The following SYN3 variants were observed in gnomAD, a reference collection of about 807,000 sequenced individuals.
SYN3 encodes synapsin-3.
A neutral mutation model predicts 65.8 loss-of-function variants in SYN3; 35 were observed. That is an observed-to-expected ratio of 0.53 (90% confidence interval 0.41 to 0.70). SYN3 has a LOEUF of 0.70. Ranked by LOEUF, SYN3 falls within the 30% of genes least tolerant of loss-of-function variation. The probability of loss-of-function intolerance (pLI) is 0.00; values close to 1 mark genes in which losing one functional copy is unlikely to be tolerated. For missense variants in SYN3, 680 were observed against 749.0 expected, an observed-to-expected ratio of 0.91 and a Z score of 1.08; for synonymous variants, 270 against 292.9, an observed-to-expected ratio of 0.92 and a Z score of 0.80.
chr22:33,036,932 C>T (rs1274335315), intron 1 of SYN3, among the ~76,000 whole-genome samples: 4 of 152,040 alleles, frequency 2.6e-5, no homozygotes, highest in Admixed American at 6.6e-5. Flanking sequence ...CTCAGGTGAT[C>T]CGCCCACCTC....
In SYN3 at chr22:32,872,898, A is replaced by G. The variant is rs530505848; in HGVS notation, c.462-3773T>C. Among the ~76,000 whole-genome samples, 14 of 151,250 alleles carry G rather than the reference A, an allele frequency of 9.3e-5. No homozygotes were observed. The South Asian group carries it at 2.9e-3, about 32-fold the overall frequency. ...GATGATTCCTGCTTTTAAGAAACTC[A>G]CAACCCAAGAGGAGTTGGGTGCAAC... is the stretch of plus-strand genomic sequence containing the variant. On this transcript the variant is annotated intron_variant, in intron 4 of 13. Transcript: ENST00000358763.
At chr22:32,803,244 G>A (rs530784701) in intron 6 of SYN3, among the ~76,000 whole-genome samples, 77 of 152,170 alleles carry the variant, frequency 5.1e-4, no homozygotes, top group African/African-American at 1.8e-3. Context: ...AGAATGGAGC[G>A]TGTGTGTTTT....
chr22:32,788,935 C>A (rs1301953588), intron 6 of SYN3, among the ~76,000 whole-genome samples: 1 of 152,136 alleles, frequency 6.6e-6, no homozygotes, highest in Non-Finnish European at 1.5e-5. Flanking sequence ...CTCGGGACAC[C>A]TCTGACTTCC....
At chr22:32,660,532 T>A (rs2060202917) in intron 6 of SYN3, among the ~76,000 whole-genome samples, 1 of 152,188 alleles carries the variant, frequency 6.6e-6, no homozygotes, top group Non-Finnish European at 1.5e-5. Context: ...CCATTCATAC[T>A]GATCTTCTGG....
intron 6 of SYN3, among the ~76,000 whole-genome samples, chr22:32,788,564 G>A (rs748691375): frequency 2.3e-4 from 35 of 151,848 alleles, no homozygotes; most frequent in Non-Finnish European, 4.4e-4. Flanking sequence ...ATAATAATAT[G>A]GATTTAAAAA....
chr22:32,754,053 G>A (rs1186727551), intron 6 of SYN3, among the ~76,000 whole-genome samples: 1 of 152,216 alleles, frequency 6.6e-6, no homozygotes, highest in Non-Finnish European at 1.5e-5. Flanking sequence ...CCGGACCATG[G>A]TGGTGGTCCA....
intron 7 of SYN3, among the ~76,000 whole-genome samples, chr22:32,558,229 C>T (rs1219331778): frequency 6.6e-6 from 1 of 152,210 alleles, no homozygotes; most frequent in Non-Finnish European, 1.5e-5. Context: ...AGGAGAAAGG[C>T]AATTCCTCCT....
intron 6 of SYN3, among the ~76,000 whole-genome samples, chr22:32,734,264 T>C (rs781168996): frequency 6.6e-6 from 1 of 152,168 alleles, no homozygotes; most frequent in Non-Finnish European, 1.5e-5. Flanking sequence ...GCAGGATATA[T>C]CTTACAGGGT....
chr22:32,804,700 G>A (rs1338830879), intron 6 of SYN3, among the ~76,000 whole-genome samples: 1 of 152,178 alleles, frequency 6.6e-6, no homozygotes, highest in Non-Finnish European at 1.5e-5. Flanking sequence ...TTCTGGGGGA[G>A]GAGGAGTTAA....
intron 7 of SYN3, among the ~76,000 whole-genome samples, chr22:32,581,375 C>T (rs1847172829): frequency 6.6e-6 from 1 of 152,210 alleles, no homozygotes; most frequent in Non-Finnish European, 1.5e-5. Flanking sequence ...TCCCAAAGTG[C>T]TGGGATTATA....
At chr22:32,927,104 A>T (rs2050494803) in intron 4 of SYN3, among the ~76,000 whole-genome samples, 1 of 152,110 alleles carries the variant, frequency 6.6e-6, no homozygotes, top group Admixed American at 6.6e-5. Flanking sequence ...CGGTATAGAA[A>T]AGTTTCAATA....
At chr22:32,782,172 G>A (rs2046083249) in intron 6 of SYN3, among the ~76,000 whole-genome samples, 1 of 151,878 alleles carries the variant, frequency 6.6e-6, no homozygotes. Flanking sequence ...GGTTTCAAGC[G>A]ATTCTCTTGC....
chr22:32,789,707 A>G (rs1057411288), intron 6 of SYN3, among the ~76,000 whole-genome samples: 4 of 152,238 alleles, frequency 2.6e-5, no homozygotes, highest in Non-Finnish European at 2.9e-5. Context: ...AAATTTGTTG[A>G]GGACCTACTG....
chr22:32,994,260 A>T (rs1053537985), intron 2 of SYN3, among the ~76,000 whole-genome samples: 8 of 152,078 alleles, frequency 5.3e-5, no homozygotes, highest in African/African-American at 1.9e-4. Flanking sequence ...CTGCTGAGGA[A>T]TGCCCAGGAC....
intron 6 of SYN3, among the ~76,000 whole-genome samples, chr22:32,722,560 C>A (rs1367949825): frequency 6.6e-6 from 1 of 152,200 alleles, no homozygotes; most frequent in Non-Finnish European, 1.5e-5. Flanking sequence ...GGAGATGTCT[C>A]TTACTCGGAC....
intron 6 of SYN3, among the ~76,000 whole-genome samples, chr22:32,666,928 T>C (rs2060297209): frequency 6.6e-6 from 1 of 152,192 alleles, no homozygotes; most frequent in African/African-American, 2.4e-5. Context: ...TTTGACTCCA[T>C]ATTCCAGCCT....
chr22:32,774,118 A>G (rs2045846469), intron 6 of SYN3, among the ~76,000 whole-genome samples: 1 of 152,126 alleles, frequency 6.6e-6, no homozygotes, highest in Admixed American at 6.5e-5. Context: ...CCATGAACGG[A>G]TCTTGGATTG....
At chr22:32,667,949 G>A (rs2060312809) in intron 6 of SYN3, among the ~76,000 whole-genome samples, 2 of 151,774 alleles carry the variant, frequency 1.3e-5, no homozygotes, top group African/African-American at 2.4e-5. Context: ...GCCTACCACC[G>A]TGCCCAGCTA....
intron 3 of SYN3, among the ~76,000 whole-genome samples, chr22:32,947,221 G>T (rs2051140709): frequency 6.6e-6 from 1 of 151,922 alleles, no homozygotes; most frequent in South Asian, 2.1e-4. Flanking sequence ...TATGTCCATG[G>T]TCTATTTAAC....
Sources: allele counts gnomAD v4.1 joint callset (sites outside exome capture counted in the v4.1 genomes callset), GRCh38; gene constraint gnomAD v4.1.1; transcripts MANE v1.5; gene names NCBI Gene and HGNC (gene_info 2026-07-23, HGNC 2026-07-21).